Variants in PCDH15 observed in about 807,000 individuals in gnomAD.
The protein encoded by PCDH15 is protocadherin related 15.
Under a neutral mutation model 178.5 loss-of-function variants are expected in PCDH15, and 129 were observed. That is an observed-to-expected ratio of 0.72 (90% confidence interval 0.63 to 0.84). The LOEUF is 0.84. Ranked by LOEUF, PCDH15 falls within the 40% of genes least tolerant of loss-of-function variation. The pLI, the probability that PCDH15 is intolerant of heterozygous loss-of-function variation, is 0.00. For missense variants in PCDH15, 2,230 were observed against 2,099.9 expected (o/e 1.06, Z -1.21); for synonymous variants, 800 against 732.0 (o/e 1.09, Z -1.50).
At chr10:54,713,224 CAT>C (rs200279649) in intron 1 of PCDH15, among the ~76,000 whole-genome samples, 290 of 125,094 alleles carry the variant, frequency 2.3e-3, no homozygotes, top group African/African-American at 5.2e-3. Context: ...CACACACACA[CAT>C]ACACACACAC....
chr10:55,125,163 T>TTGTGTG lies in PCDH15; in HGVS notation c.-80+41407_-80+41412dup, dbSNP rs34423359. 8.5e-3 allele frequency among the ~76,000 whole-genome samples: 1,221 copies of TTGTGTG among 143,066 alleles called. 15 individuals carry two copies. Among genetic ancestry groups the TTGTGTG allele is most frequent in the African/African-American group, 0.019 (748 of 38,596 alleles). The allele number at this position is 143,066 out of a possible 152,430, so 93.9% of individuals were successfully genotyped here. On this transcript the variant is annotated intron_variant, in intron 2 of 5. Transcript: ENST00000458638. ...GGATACTTTTTGAATTTTTTTTTAA[T>TTGTGTG]TGTGTGTGTGTGTGTGTGTGTGTGT... is the stretch of plus-strand genomic sequence containing the variant.
chr10:55,166,222 G>C (rs1174190707), intron 2 of PCDH15, among the ~76,000 whole-genome samples: 6 of 152,100 alleles, frequency 3.9e-5, no homozygotes. Flanking sequence ...TGGATGCAAT[G>C]TGTCTACTAC....
At chr10:54,236,964 C>G in intron 8 of PCDH15, 33 bp from the exon 9 acceptor site, 1 of 1,496,278 alleles carries the variant, frequency 6.7e-7, no homozygotes, top group South Asian at 1.1e-5. Flanking sequence ...TTCATTCAGC[C>G]GCATTACTAA....
At chr10:53,852,933 T>G (rs962906838) in intron 28 of PCDH15, among the ~76,000 whole-genome samples, 3 of 152,060 alleles carry the variant, frequency 2.0e-5, no homozygotes, top group African/African-American at 7.2e-5. Flanking sequence ...TAATTAACTA[T>G]TTGGCACCCC....
intron 2 of PCDH15, among the ~76,000 whole-genome samples, chr10:54,585,255 G>A (rs146493545): frequency 2.6e-5 from 4 of 152,032 alleles, no homozygotes; most frequent in Non-Finnish European, 5.9e-5. Flanking sequence ...TATCCTGTGC[G>A]GTTTTCCAGT....
chr10:55,263,610 A>G (rs1406630198), intron 1 of PCDH15, among the ~76,000 whole-genome samples: 1 of 152,200 alleles, frequency 6.6e-6, no homozygotes, highest in South Asian at 2.1e-4. Context: ...CCAGGCCAAC[A>G]GAATGTTTCT....
At chr10:55,516,887 A>C (rs1454880216) in intron 2 of PCDH15, among the ~76,000 whole-genome samples, 1 of 152,052 alleles carries the variant, frequency 6.6e-6, no homozygotes, top group Non-Finnish European at 1.5e-5. Flanking sequence ...CTCCTCTGTA[A>C]TTTTATATCA....
intron 3 of PCDH15, among the ~76,000 whole-genome samples, chr10:54,873,007 AC>A (rs1954067342): frequency 6.9e-6 from 1 of 145,240 alleles, no homozygotes; most frequent in African/African-American, 2.4e-5. Context: ...AAAGCTACCA[AC>A]CATCCAGGAA....
At chr10:55,444,426 T>C (rs1839269928) in intron 2 of PCDH15, among the ~76,000 whole-genome samples, 1 of 152,150 alleles carries the variant, frequency 6.6e-6, no homozygotes, top group African/African-American at 2.4e-5. Context: ...AAATTACTAA[T>C]AATTGGGATG....
chr10:55,205,220 T>C (rs904352507), intron 1 of PCDH15, among the ~76,000 whole-genome samples: 1 of 152,058 alleles, frequency 6.6e-6, no homozygotes, highest in Non-Finnish European at 1.5e-5. Context: ...GTATGAAATA[T>C]TATTTTGCAA....
intron 2 of PCDH15, among the ~76,000 whole-genome samples, chr10:54,898,393 C>A (rs1181622692): frequency 2.6e-5 from 4 of 151,822 alleles, no homozygotes; most frequent in Non-Finnish European, 5.9e-5. Flanking sequence ...ATTTTCATAT[C>A]TTGAAAAAAC....
intron 5 of PCDH15, among the ~76,000 whole-genome samples, chr10:54,349,653 TTAAAATAAACTC>T (rs1943865720): frequency 6.6e-6 from 1 of 150,688 alleles, no homozygotes; most frequent in African/African-American, 2.5e-5. Flanking sequence ...ATGTAGTCCT[TTAAAATAAACTC>T]TACATTGTTA....
chr10:55,425,284 T>C (rs963509463), intron 2 of PCDH15, among the ~76,000 whole-genome samples: 6 of 151,992 alleles, frequency 3.9e-5, no homozygotes, highest in African/African-American at 1.4e-4. Context: ...TTATTGACAA[T>C]CTCTTTTGCT....
chr10:55,100,602 A>G (rs150144901), intron 2 of PCDH15, among the ~76,000 whole-genome samples: 1 of 152,256 alleles, frequency 6.6e-6, no homozygotes, highest in Non-Finnish European at 1.5e-5. Context: ...TGCAGAGATC[A>G]CATGACAAGA....
intron 10 of PCDH15, among the ~76,000 whole-genome samples, chr10:54,205,300 A>G (rs115557691): frequency 0.023 from 3,549 of 152,236 alleles, 54 homozygotes; most frequent in Middle Eastern, 0.078. Context: ...TATGTAAGTC[A>G]TTATCACTCT....
intron 8 of PCDH15, among the ~76,000 whole-genome samples, chr10:54,250,077 C>CTT (rs773771288): frequency 4.4e-5 from 6 of 137,804 alleles, no homozygotes; most frequent in African/African-American, 1.1e-4. Flanking sequence ...CCACATCCGG[C>CTT]TTTTTTTTTT....
chr10:54,252,063 G>T (rs1269234728), intron 8 of PCDH15, among the ~76,000 whole-genome samples: 2 of 152,110 alleles, frequency 1.3e-5, no homozygotes, highest in Non-Finnish European at 2.9e-5. Flanking sequence ...ATTAAGCGAT[G>T]ATCACTACCT....
chr10:55,327,206 C>T (rs1342145592), intron 2 of PCDH15, among the ~76,000 whole-genome samples: 4 of 152,056 alleles, frequency 2.6e-5, no homozygotes, highest in Non-Finnish European at 5.9e-5. Context: ...GGATACATTA[C>T]AAAGTCAGCC....
At chr10:55,103,537 C>T (rs1842617927) in intron 2 of PCDH15, among the ~76,000 whole-genome samples, 1 of 152,186 alleles carries the variant, frequency 6.6e-6, no homozygotes, top group Non-Finnish European at 1.5e-5. Flanking sequence ...TCATGTATAA[C>T]ATCTGGACAG....
Sources: allele counts gnomAD v4.1 joint callset (sites outside exome capture counted in the v4.1 genomes callset), GRCh38; gene constraint gnomAD v4.1.1; transcripts MANE v1.5; gene names NCBI Gene and HGNC (gene_info 2026-07-23, HGNC 2026-07-21).